NKX2-5: variants seen among roughly 807,000 people sequenced by gnomAD.
The protein encoded by NKX2-5 is homeobox protein Nkx-2.5.
In NKX2-5, 3 loss-of-function variants were observed where a neutral mutation model predicts 24.5. The ratio of observed to expected loss-of-function variants is 0.12; its 90% CI spans 0.06 to 0.32. The LOEUF (loss-of-function observed/expected upper bound fraction) is 0.32. NKX2-5 is among the 10% of genes least tolerant of loss of function. The pLI is 1.00. For missense variants in NKX2-5, 429 were observed against 452.4 expected, an observed-to-expected ratio of 0.95 and a Z score of 0.47; for synonymous variants, 215 against 217.6, an observed-to-expected ratio of 0.99 and a Z score of 0.11.
At position 173,233,225 on chromosome 5, in the gene NKX2-5, G is replaced by A; in HGVS notation, c.335-16C>T. The A allele has an allele frequency of 6.3e-7, 1 of 1,596,886 alleles. No individual in the cohort carries two copies. Among genetic ancestry groups the A allele is most frequent in the Non-Finnish European group, 8.5e-7 (1 of 1,178,328 alleles). On this transcript the variant is annotated splice_polypyrimidine_tract_variant and intron_variant, in intron 1 of 1. Transcript: ENST00000329198. The stretch of plus-strand genomic sequence containing the variant: ...GCGCACAGCTCTGAGGGGGAACAGA[G>A]AGGCAGAGAGACGCTTGGTAAGAGC...
chr5:173,233,523 A>T (rs1324549736), intron 1 of NKX2-5: 2 of 576,690 alleles, frequency 3.5e-6, no homozygotes, highest in Non-Finnish European at 5.7e-6. Context: ...AAAAAAATAA[A>T]TAAAAAAATA....
chr5:173,233,329 C>G, intron 1 of NKX2-5, 120 bp from the exon 2 acceptor site: 1 of 1,537,478 alleles, frequency 6.5e-7, no homozygotes. Flanking sequence ...CTGGAGCGCC[C>G]AGCTGGCTGC....
At position 173,233,031 on chromosome 5, in the gene NKX2-5, C is replaced by T; in HGVS notation, c.513G>A (p.Leu171=). 2.5e-6 allele frequency: 4 copies of T among 1,608,264 alleles called. No individual in the cohort carries two copies. In the South Asian group the frequency reaches 3.3e-5, roughly 13 times the overall value. ...TGGACGTGAGTTTCAGCACGCTGGC[C>T]AGCTGGTCGCGTTCGGGGGCCGACA... ...RYLSAPERDQ[L]ASVLKLTSTQ... The change falls in exon 2 of 2, where the codon CTG becomes CTA. Residue 171 remains leucine (L), a synonymous_variant. Transcript: ENST00000329198.
chr5:173,232,917 C>G lies in NKX2-5; in HGVS notation c.627G>C (p.Pro209=), dbSNP rs1761352711. 1.2e-6 allele frequency: 2 copies of G among 1,601,458 alleles called. No homozygotes were observed. The highest frequency in any genetic ancestry group is 8.5e-7 in the Non-Finnish European group (1 of 1,174,858). ...TCCTGCGGGCAGGCGGCGGCGGCGG[C>G]GGGGGCAGCCCCACCAGCTCCAGAG... ...DQTLELVGLP[P]PPPPPARRIA... is the part of the protein sequence containing the mutation. The change falls in exon 2 of 2, where the codon CCG becomes CCC. Residue 209 remains proline, a synonymous_variant. Coordinates refer to ENST00000329198, the MANE Select transcript of NKX2-5 (RefSeq NM_004387.4). This position sits in a 1 kb window ranked among gnomAD's most constrained non-coding sequence, Gnocchi z 5.9.
At chr5:173,233,964 G>A in intron 1 of NKX2-5, 1 of 1,213,026 alleles carries the variant, frequency 8.2e-7, no homozygotes, top group Non-Finnish European at 1.0e-6. Context: ...CTTGGGCTGG[G>A]GGGTCTCCCA....
intron 1 of NKX2-5, chr5:173,234,423 C>G: frequency 4.3e-6 from 3 of 699,748 alleles, no homozygotes; most frequent in Non-Finnish European, 5.3e-6. Flanking sequence ...ATCTGCTTGT[C>G]TCTCTGTTCT....
At chr5:173,233,914 C>T in intron 1 of NKX2-5, 3 of 1,184,054 alleles carry the variant, frequency 2.5e-6, no homozygotes, top group Non-Finnish European at 3.2e-6. Context: ...AGCGCTTCGC[C>T]CAGCGCCTGC....
chr5:173,232,716 G>C lies in NKX2-5; in HGVS notation c.828C>G (p.Ala276=), dbSNP rs762836048. 2 of 1,608,950 alleles carry C rather than the reference G, an allele frequency of 1.2e-6. No homozygotes were observed. Among genetic ancestry groups the C allele is most frequent in the Non-Finnish European group, 1.7e-6 (2 of 1,177,400 alleles). The change falls in exon 2 of 2, where the codon GCC becomes GCG. Residue 276 remains alanine, a synonymous_variant. Transcript: ENST00000329198. The surrounding 1 kb of genome is among the most constrained non-coding windows in gnomAD (Gnocchi z 5.9). ...TGGCCGGCTGCGCTGGGGAAGGCCC[G>C]GCGGGGTAAGCGGCAGTGCAGCTGT... is the stretch of plus-strand genomic sequence containing the variant. ...PGYSCTAAYP[A]GPSPAQPATA... is the part of the protein sequence containing the mutation.
rs761208569 is a variant in NKX2-5, at chr5:173,232,646, A to G, written c.898T>C (p.Leu300=). ...NNFVNFGVGD[L]NAVQSPGIPQ... is the part of the protein sequence containing the mutation. The stretch of plus-strand genomic sequence containing the variant: ...ATCCCGGGGCTCTGAACCGCATTCA[A>G]GTCCCCGACGCCGAAGTTCACGAAG... Residue 300 remains leucine, a synonymous_variant, in exon 2 of 2, where the codon TTG becomes CTG. Coordinates refer to ENST00000329198, the MANE Select transcript of NKX2-5 (RefSeq NM_004387.4). The surrounding 1 kb of genome is among the most constrained non-coding windows in gnomAD (Gnocchi z 5.9). 3.1e-6 allele frequency: 5 copies of G among 1,613,198 alleles called. No homozygotes were observed. Among genetic ancestry groups the G allele is most frequent in the Admixed American group, 3.3e-5 (2 of 60,018 alleles).
At position 173,233,326 on chromosome 5, in the gene NKX2-5, G is replaced by T. The variant is rs531906439; in HGVS notation, c.335-117C>A. On this transcript the variant is annotated intron_variant, in intron 1 of 1. Coordinates refer to ENST00000329198, the MANE Select transcript of NKX2-5 (RefSeq NM_004387.4). ...GAGGCCACTGTGTCCTGCCTGGAGC[G>T]CCCAGCTGGCTGCGGCTCACTCTGC... 830 of 1,537,726 alleles carry T rather than the reference G, an allele frequency of 5.4e-4. 20 individuals are homozygous for T. In the East Asian group the frequency reaches 0.02, roughly 37 times the overall value.
intron 1 of NKX2-5, chr5:173,234,108 AC>A: frequency 7.8e-7 from 1 of 1,289,290 alleles, no homozygotes; most frequent in Non-Finnish European, 1.0e-6. Flanking sequence ...CCACGAGGGA[AC>A]CTCTCCGCCC....
In NKX2-5 at chr5:173,232,365, C is replaced by A; in HGVS notation, c.*204G>T. 2.1e-6 allele frequency: 2 copies of A among 939,134 alleles called. No homozygotes were observed. The highest frequency in any genetic ancestry group is 2.7e-5 in the East Asian group (1 of 37,660). 58.2% of individuals were successfully genotyped at this position (939,134 alleles called of 1,614,324 possible). A position where few individuals can be genotyped will look rare whatever the true frequency, so the allele number is the denominator to read the frequency against. ...TAAGACACCAGGCTGCAGGATCACTCATTGCACGCTGCATAATCGCCGCCA... is the reference window on the plus strand; with the variant it reads ...TAAGACACCAGGCTGCAGGATCACTAATTGCACGCTGCATAATCGCCGCCA... On this transcript the variant is annotated 3_prime_UTR_variant, in exon 2 of 2. Coordinates refer to ENST00000329198, the MANE Select transcript of NKX2-5 (RefSeq NM_004387.4). The surrounding 1 kb of genome is among the most constrained non-coding windows in gnomAD (Gnocchi z 5.9).
rs534163213 is a variant in NKX2-5, at chr5:173,233,501, G to A, written c.335-292C>T. ...GACAGACGGTGACTTAAAATTTCAG[G>A]CTGCAAAAAAAAAAAAAATAAATAA... On this transcript the variant is annotated intron_variant, in intron 1 of 1. Coordinates refer to ENST00000329198, the MANE Select transcript of NKX2-5 (RefSeq NM_004387.4). 7.4e-6 allele frequency: 6 copies of A among 812,816 alleles called. No individual in the cohort carries two copies. In the Admixed American group the frequency reaches 8.4e-5, roughly 11 times the overall value. 50.4% of individuals were successfully genotyped at this position (812,816 alleles called of 1,614,324 possible).
At chr5:173,233,433 G>C in intron 1 of NKX2-5, 2 of 1,535,958 alleles carry the variant, frequency 1.3e-6, no homozygotes, top group Non-Finnish European at 1.7e-6. Context: ...AGAACAAAAC[G>C]GGAGGTCTCT....
rs387906774 is a variant in NKX2-5 at position 173,233,164 on chromosome 5, G to T, written c.380C>A (p.Ala127Glu). ...QKAVELEKTE[A>E]DNAERPRARR... ...CGCCCGGGGCCGCTCCGCGTTGTCC[G>T]CCTCTGTCTTCTCCAGCTCCACCGC... The change falls in exon 2 of 2, where the codon GCG becomes GAG. Residue 127 changes from alanine (A) to glutamate (E), a missense_variant. Physicochemically the swap from Ala to Glu is moderately radical, Grantham distance 107. Coordinates refer to ENST00000329198, the MANE Select transcript of NKX2-5 (RefSeq NM_004387.4). 4 of 1,603,010 alleles carry T rather than the reference G, an allele frequency of 2.5e-6. No individual in the cohort carries two copies. Among genetic ancestry groups the T allele is most frequent in the Non-Finnish European group, 3.4e-6 (4 of 1,178,080 alleles).
At position 173,233,890 on chromosome 5, in the gene NKX2-5, G is replaced by A. The variant is rs1365271869; in HGVS notation, c.335-681C>T. 4 of 985,336 alleles carry A rather than the reference G, an allele frequency of 4.1e-6. No homozygotes were observed. In the African/African-American group the frequency reaches 7.0e-5, roughly 17 times the overall value. The allele number at this position is 985,336 out of a possible 1,614,324, so 61.0% of individuals were successfully genotyped here. ...CCTATGAATTCTCTCCCGGCTGGCA[G>A]CGGCCCTTCGCCCAGCGCTTCGCCC... is the stretch of plus-strand genomic sequence containing the variant. On this transcript the variant is annotated intron_variant, in intron 1 of 1. Transcript: ENST00000329198.
At chr5:173,234,631 AC>A (rs1312237348) in intron 1 of NKX2-5, 118 bp downstream of exon 1, 14 of 900,050 alleles carry the variant, frequency 1.6e-5, no homozygotes, top group Non-Finnish European at 2.0e-5. Flanking sequence ...TACATTCTGA[AC>A]CCCCCGCCGC....
At chr5:173,234,114 C>G in intron 1 of NKX2-5, 1 of 1,289,474 alleles carries the variant, frequency 7.8e-7, no homozygotes, top group Non-Finnish European at 1.0e-6. Flanking sequence ...GGGAACCTCT[C>G]CGCCCTGGCC....
chr5:173,235,010 C>T lies in NKX2-5; in HGVS notation c.74G>A (p.Arg25His). ...KDILNLEQQQ[R>H]SLAAAGELSA... ...GAGCTCTCCGGCGGCAGCCAGGCTG[C>T]GCTGCTGCTGTTCCAGGTTTAGGAT... Residue 25 changes from arginine to histidine, a missense_variant, in exon 1 of 2, where the codon CGC becomes CAC. Arg to His is a conservative substitution (Grantham distance 29). Transcript: ENST00000329198. The T allele has an allele frequency of 6.2e-7, 1 of 1,612,224 alleles. No homozygotes were observed. Among genetic ancestry groups the T allele is most frequent in the Non-Finnish European group, 8.5e-7 (1 of 1,179,608 alleles).
Sources: allele counts gnomAD v4.1 joint callset, GRCh38; gene constraint gnomAD v4.1.1; non-coding constraint Gnocchi (gnomAD v3.1); transcripts MANE v1.5; gene names NCBI Gene and HGNC (gene_info 2026-07-23, HGNC 2026-07-21).